The following TCERG1L variants were observed in gnomAD, a reference collection of about 807,000 sequenced individuals.
TCERG1L encodes transcription elongation regulator 1-like protein.
TCERG1L carries 37 observed loss-of-function variants against 56.3 expected under a neutral mutation model. That is an observed-to-expected ratio of 0.66 (90% CI 0.51 to 0.87). The LOEUF is 0.87. Ranked by LOEUF, TCERG1L falls within the 40% of genes least tolerant of loss-of-function variation. The pLI, the probability that TCERG1L is intolerant of heterozygous loss-of-function variation, is 0.00. For synonymous variants in TCERG1L, 324 were observed against 326.3 expected, an observed-to-expected ratio of 0.99 and a Z score of 0.08; for missense variants, 799 against 774.2, an observed-to-expected ratio of 1.03 and a Z score of -0.38.
intron 3 of TCERG1L, among the ~76,000 whole-genome samples, chr10:131,282,085 G>A (rs142319661): frequency 0.022 from 3,202 of 145,706 alleles, 87 homozygotes; most frequent in East Asian, 0.095. Flanking sequence ...GCAGTGAGCG[G>A]AGATCACGCC....
intron 3 of TCERG1L, among the ~76,000 whole-genome samples, chr10:131,289,536 T>TGCGA: frequency 9.3e-6 from 1 of 107,178 alleles, no homozygotes; most frequent in Non-Finnish European, 2.0e-5. Context: ...CTCCTATCGG[T>TGCGA]GTGTATGTGT....
chr10:131,310,162 T>A (rs1253805295), intron 1 of TCERG1L, among the ~76,000 whole-genome samples: 4 of 152,186 alleles, frequency 2.6e-5, no homozygotes, highest in Non-Finnish European at 5.9e-5. Context: ...AAATTTTCTT[T>A]TAAATTTATA....
At chr10:131,107,947 A>G (rs899568900) in intron 9 of TCERG1L, among the ~76,000 whole-genome samples, 3 of 137,168 alleles carry the variant, frequency 2.2e-5, no homozygotes, top group Non-Finnish European at 3.1e-5. Flanking sequence ...ACACATGCAC[A>G]TGTGTGCCTA....
At chr10:131,254,119 G>A (rs538002438) in intron 4 of TCERG1L, among the ~76,000 whole-genome samples, 10 of 152,064 alleles carry the variant, frequency 6.6e-5, no homozygotes, top group Non-Finnish European at 1.0e-4. Flanking sequence ...CAGAGGGGCC[G>A]GCCGTGTGAA....
At chr10:131,186,957 C>G (rs946760278) in intron 4 of TCERG1L, among the ~76,000 whole-genome samples, 1 of 152,216 alleles carries the variant, frequency 6.6e-6, no homozygotes, top group East Asian at 1.9e-4. Context: ...AGCTATGAAT[C>G]AGAGCTGCAT....
intron 7 of TCERG1L, among the ~76,000 whole-genome samples, chr10:131,141,092 C>T (rs902331947): frequency 2.0e-5 from 3 of 152,318 alleles, no homozygotes; most frequent in Middle Eastern, 6.8e-3. Flanking sequence ...GACACGGCCA[C>T]TTTGCTTTGC....
intron 4 of TCERG1L, among the ~76,000 whole-genome samples, chr10:131,227,826 A>T (rs1845809380): frequency 6.9e-6 from 1 of 145,296 alleles, no homozygotes; most frequent in Admixed American, 6.9e-5. Flanking sequence ...TTTAAACAGG[A>T]AAGGGAACCC....
intron 4 of TCERG1L, among the ~76,000 whole-genome samples, chr10:131,216,312 G>A (rs1845668355): frequency 6.6e-6 from 1 of 152,154 alleles, no homozygotes; most frequent in African/African-American, 2.4e-5. Context: ...AGCTCCCAGA[G>A]CCCATAGGCA....
chr10:131,295,456 T>C (rs1846679113), intron 3 of TCERG1L, among the ~76,000 whole-genome samples: 1 of 152,268 alleles, frequency 6.6e-6, no homozygotes, highest in African/African-American at 2.4e-5. Flanking sequence ...CCACGTGGTA[T>C]TGCCAGGTTC....
intron 3 of TCERG1L, among the ~76,000 whole-genome samples, chr10:131,293,010 CT>C (rs1275337672): frequency 4.6e-5 from 7 of 152,076 alleles, no homozygotes; most frequent in Non-Finnish European, 7.4e-5. Context: ...GCCACCGCAC[CT>C]GGCTAATTTT....
intron 9 of TCERG1L, among the ~76,000 whole-genome samples, chr10:131,106,451 C>T (rs1338620373): frequency 6.6e-6 from 1 of 152,122 alleles, no homozygotes; most frequent in Non-Finnish European, 1.5e-5. Flanking sequence ...GGGGGTATTC[C>T]AGGACCAGCT....
chr10:131,211,616 A>C (rs543077308), intron 4 of TCERG1L, among the ~76,000 whole-genome samples: 133 of 152,364 alleles, frequency 8.7e-4, no homozygotes, highest in African/African-American at 3.0e-3. Context: ...CAGAAATGTC[A>C]TAGGCAGCTC....
At chr10:131,233,588 C>T (rs1293173640) in intron 4 of TCERG1L, among the ~76,000 whole-genome samples, 1 of 152,150 alleles carries the variant, frequency 6.6e-6, no homozygotes, top group Non-Finnish European at 1.5e-5. Context: ...GATATTTTCC[C>T]TAGTTAGCAC....
chr10:131,294,882 G>A (rs1173784660), intron 3 of TCERG1L, among the ~76,000 whole-genome samples: 1 of 150,622 alleles, frequency 6.6e-6, no homozygotes, highest in African/African-American at 2.4e-5. Flanking sequence ...TTTACATTGT[G>A]TACAGTCCTC....
intron 4 of TCERG1L, among the ~76,000 whole-genome samples, chr10:131,217,149 G>C (rs1564818051): frequency 1.3e-5 from 2 of 152,182 alleles, no homozygotes; most frequent in Non-Finnish European, 2.9e-5. Context: ...GTGGGGCCTG[G>C]TGGGAGGTGA....
At position 131,232,965 on chromosome 10, in the gene TCERG1L, A is replaced by G. The variant is rs146055980; in HGVS notation, c.856+27294T>C. 7.8e-3 allele frequency among the ~76,000 whole-genome samples: 1,183 copies of G among 152,332 alleles called. 14 individuals carry two copies. The highest frequency in any genetic ancestry group is 0.027 in the African/African-American group (1,135 of 41,576). On this transcript the variant is annotated intron_variant, in intron 4 of 11. Transcript: ENST00000368642. Reference sequence around the variant, plus strand: ...AGTTACTTCAAAGAATAATTTATACACACTACTATTGGAGATGTAAGTGGC... The same window carrying G: ...AGTTACTTCAAAGAATAATTTATACGCACTACTATTGGAGATGTAAGTGGC...
At chr10:131,276,982 T>C (rs1846399793) in intron 3 of TCERG1L, among the ~76,000 whole-genome samples, 1 of 152,216 alleles carries the variant, frequency 6.6e-6, no homozygotes, top group Admixed American at 6.5e-5. Context: ...TTTCTCATCA[T>C]ATGTAGCTGC....
At chr10:131,275,356 C>G (rs1234428939) in intron 3 of TCERG1L, among the ~76,000 whole-genome samples, 1 of 152,216 alleles carries the variant, frequency 6.6e-6, no homozygotes, top group Non-Finnish European at 1.5e-5. Flanking sequence ...TGGACAGGTA[C>G]AAGGCGAGAG....
intron 9 of TCERG1L, among the ~76,000 whole-genome samples, chr10:131,106,018 T>A (rs1034537036): frequency 6.6e-6 from 1 of 152,098 alleles, no homozygotes; most frequent in Non-Finnish European, 1.5e-5. Context: ...ATCAGTCAAT[T>A]CTCCAAGAAG....
Sources: allele counts gnomAD v4.1 joint callset (sites outside exome capture counted in the v4.1 genomes callset), GRCh38; gene constraint gnomAD v4.1.1; transcripts MANE v1.5; gene names NCBI Gene and HGNC (gene_info 2026-07-23, HGNC 2026-07-21).